CROT: variants seen among roughly 807,000 people sequenced by gnomAD.
The protein encoded by CROT is carnitine O-octanoyltransferase.
A neutral mutation model predicts 89.2 loss-of-function variants in CROT; 84 were observed. The observed-to-expected ratio is 0.94, with a 90% CI of 0.79 to 1.13. The LOEUF is 1.13. CROT is among the 50% of genes most tolerant of loss of function. The probability of loss-of-function intolerance (pLI) is 0.00; values close to 1 mark genes in which losing one functional copy is unlikely to be tolerated. For missense variants in CROT, 711 were observed against 727.8 expected (o/e 0.98, Z 0.27); for synonymous variants, 212 against 239.5 (o/e 0.89, Z 1.06).
chr7:87,362,402 T>C (rs1806311915), intron 6 of CROT, among the ~76,000 whole-genome samples: 1 of 151,302 alleles, frequency 6.6e-6, no homozygotes, highest in Non-Finnish European at 1.5e-5. Flanking sequence ...GCACAAGTGG[T>C]CTTCCTGCCT....
intron 2 of CROT, among the ~76,000 whole-genome samples, chr7:87,347,075 C>T (rs1805706595): frequency 6.6e-6 from 1 of 152,236 alleles, no homozygotes; most frequent in Non-Finnish European, 1.5e-5. Context: ...AAAGACACCA[C>T]AAATCCTTCT....
chr7:87,361,962 C>T, intron 6 of CROT, 110 bp downstream of exon 6: 2 of 976,478 alleles, frequency 2.0e-6, no homozygotes, highest in Non-Finnish European at 2.9e-6. Context: ...GGGACTTTGA[C>T]AAAGAAAGGT....
chr7:87,353,187 G>A (rs1476841520), intron 3 of CROT, among the ~76,000 whole-genome samples: 1 of 151,090 alleles, frequency 6.6e-6, no homozygotes, highest in Non-Finnish European at 1.5e-5. Flanking sequence ...TCGTTCCGTT[G>A]CCCAGGCTGG....
chr7:87,397,077 G>C (rs1807550198), intron 17 of CROT, among the ~76,000 whole-genome samples: 1 of 152,102 alleles, frequency 6.6e-6, no homozygotes, highest in Non-Finnish European at 1.5e-5. Context: ...CTGTAGGCTA[G>C]GCATGGTGGC....
chr7:87,391,445 G>GC, intron 13 of CROT, 144 bp from the exon 14 acceptor site: 1 of 700,708 alleles, frequency 1.4e-6, no homozygotes, highest in Non-Finnish European at 2.2e-6. Context: ...TTGGAAATAG[G>GC]CTCTTTTTTG....
chr7:87,369,530 C>G (rs1199171738), intron 7 of CROT, 46 bp downstream of exon 7: 1 of 1,225,456 alleles, frequency 8.2e-7, no homozygotes, highest in South Asian at 1.5e-5. Context: ...TATGGTGTTG[C>G]TTGAATTAAA....
chr7:87,398,443 A>G, intron 17 of CROT, 81 bp from the exon 18 acceptor site: 2 of 1,516,624 alleles, frequency 1.3e-6, no homozygotes, highest in South Asian at 1.1e-5. Context: ...GAATATCCAG[A>G]TGAAATAAAG....
At chr7:87,371,308 G>C (rs1041321774) in intron 7 of CROT, among the ~76,000 whole-genome samples, 1 of 152,068 alleles carries the variant, frequency 6.6e-6, no homozygotes, top group African/African-American at 2.4e-5. Flanking sequence ...TATTTTTATA[G>C]TTAGCTTCTT....
intron 3 of CROT, among the ~76,000 whole-genome samples, chr7:87,350,202 C>T (rs1805823774): frequency 6.6e-6 from 1 of 152,034 alleles, no homozygotes; most frequent in African/African-American, 2.4e-5. Flanking sequence ...AGCCAAAATA[C>T]AAGTTTCTAG....
rs1283860020 is a variant in CROT, at chr7:87,375,680, T to C, written c.705T>C (p.Pro235=). ...AGTGCCATAGTGAACCTGATGGACC[T>C]GGGATTGCAGCATTAACTAGTGAGG... ...HKKCHSEPDG[P]GIAALTSEER... Residue 235 remains proline (P), a synonymous_variant, in exon 8 of 18, where the codon CCT becomes CCC. Coordinates refer to ENST00000331536, the MANE Select transcript of CROT (RefSeq NM_021151.4). 1.9e-6 allele frequency: 3 copies of C among 1,613,614 alleles called. No individual in the cohort carries two copies. Among genetic ancestry groups the C allele is most frequent in the Non-Finnish European group, 2.5e-6 (3 of 1,179,576 alleles).
chr7:87,382,089 C>T lies in CROT; in HGVS notation c.1078C>T (p.Arg360Ter), dbSNP rs745924550. 3.1e-5 allele frequency: 50 copies of T among 1,611,786 alleles called. No homozygotes were observed. Among genetic ancestry groups the T allele is most frequent in the Admixed American group, 6.7e-5 (4 of 59,946 alleles). Residue 360 changes from arginine to a stop codon, truncating the protein, a stop_gained, in exon 12 of 18, where the codon CGA (arginine) becomes TGA (stop). Transcript: ENST00000331536. LOFTEE classifies it high-confidence loss of function. ...CTATTTTCAGGGTTCAGAGAAGGTACGAGATATACCACTTCCAGAAGAGCT... is the reference window on the plus strand; with the variant it reads ...CTATTTTCAGGGTTCAGAGAAGGTATGAGATATACCACTTCCAGAAGAGCT... ...EGRWKGSEKV[R>*]DIPLPEELIF...
chr7:87,395,192 C>A (rs1807488287), intron 17 of CROT, among the ~76,000 whole-genome samples: 1 of 152,184 alleles, frequency 6.6e-6, no homozygotes, highest in Non-Finnish European at 1.5e-5. Flanking sequence ...AAGTTAGAGT[C>A]CAACGTTCAA....
In CROT at chr7:87,398,766, A is replaced by C. The variant is rs541090724; in HGVS notation, c.*122A>C. On this transcript the variant is annotated 3_prime_UTR_variant, in exon 18 of 18. Transcript: ENST00000331536. Reference sequence around the variant, plus strand: ...TAACATTCCTTTAACAAGTTAAGAAAACTTGTTAAATGTAGAAATTAGTAG... The same window carrying C: ...TAACATTCCTTTAACAAGTTAAGAACACTTGTTAAATGTAGAAATTAGTAG... 1.1e-6 allele frequency: 1 copy of C among 908,248 alleles called. No homozygotes were observed. Among genetic ancestry groups the C allele is most frequent in the Admixed American group, 2.8e-5 (1 of 35,122 alleles). The allele number at this position is 908,248 out of a possible 1,614,324, so 56.3% of individuals were successfully genotyped here. A position where few individuals can be genotyped will look rare whatever the true frequency, so the allele number is the denominator to read the frequency against.
In CROT at chr7:87,377,425, A is replaced by T; in HGVS notation, c.953A>T (p.Asn318Ile). The T allele has an allele frequency of 1.2e-6, 2 of 1,609,064 alleles. No individual in the cohort carries two copies. Among genetic ancestry groups the T allele is most frequent in the Non-Finnish European group, 1.7e-6 (2 of 1,176,080 alleles). Residue 318 changes from asparagine to isoleucine, a missense_variant, in exon 10 of 18, where the codon AAT becomes ATT. By Grantham distance (149) the Asn-to-Ile change is moderately radical (BLOSUM62 -3). Coordinates refer to ENST00000331536, the MANE Select transcript of CROT (RefSeq NM_021151.4). ...DKSYNLISFS[N>I]GVFGCNCDHA... Reference sequence around the variant, plus strand: ...TCCTATAACTTGATTTCCTTTTCTAATGGAGTATTTGGCTGTAATTGTGAT... The same window carrying T: ...TCCTATAACTTGATTTCCTTTTCTATTGGAGTATTTGGCTGTAATTGTGAT...
chr7:87,354,380 G>C, intron 3 of CROT: 1 of 518,418 alleles, frequency 1.9e-6, no homozygotes, highest in Non-Finnish European at 3.9e-6. Flanking sequence ...CAAACCTGAT[G>C]AAAAAAGTGC....
chr7:87,398,560 C>T lies in CROT; in HGVS notation c.1755C>T (p.Pro585=), dbSNP rs144430034. The change falls in exon 18 of 18, where the codon CCC becomes CCT. Residue 585 remains proline (P), a synonymous_variant. Coordinates refer to ENST00000331536, the MANE Select transcript of CROT (RefSeq NM_021151.4). The part of the protein sequence containing the change: ...VVACSAWKSC[P]ETDAEKLVQL... ...CCTGTTCAGCCTGGAAATCCTGTCC[C>T]GAGACTGATGCGGAAAAGCTAGTTC... 7 of 1,613,588 alleles carry T rather than the reference C, an allele frequency of 4.3e-6. No homozygotes were observed. Among genetic ancestry groups the T allele is most frequent in the African/African-American group, 2.7e-5 (2 of 74,880 alleles).
intron 2 of CROT, among the ~76,000 whole-genome samples, chr7:87,348,053 G>A (rs1015842049): frequency 5.9e-5 from 9 of 152,158 alleles, no homozygotes; most frequent in African/African-American, 2.2e-4. Flanking sequence ...GATAGTGTTC[G>A]ATTCTGTAAC....
Position 87,369,384 on chromosome 7 carries a change from G to A in CROT, c.556G>A (p.Gly186Arg), listed in dbSNP as rs1258458751. Residue 186 changes from glycine to arginine, a missense_variant, in exon 7 of 18, where the codon GGG becomes AGG. By Grantham distance (125) the Gly-to-Arg change is moderately radical (BLOSUM62 -2). Coordinates refer to ENST00000331536, the MANE Select transcript of CROT (RefSeq NM_021151.4). ...IMNYFRTESEGRSPNHIVVLC... is the reference protein window; with the variant it reads ...IMNYFRTESERRSPNHIVVLC... Reference sequence around the variant, plus strand: ...TCTGTTTCTGTTTCCAGAGAGTGAAGGGCGTTCCCCAAACCACATTGTAGT... The same window carrying A: ...TCTGTTTCTGTTTCCAGAGAGTGAAAGGCGTTCCCCAAACCACATTGTAGT... 9.9e-6 allele frequency: 16 copies of A among 1,609,488 alleles called. No individual in the cohort carries two copies. The highest frequency in any genetic ancestry group is 1.4e-5 in the Non-Finnish European group (16 of 1,177,586).
chr7:87,349,019 G>A (rs1262375243), intron 2 of CROT, 29 bp from the exon 3 acceptor site: 1 of 981,614 alleles, frequency 1.0e-6, no homozygotes, highest in African/African-American at 1.6e-5. Flanking sequence ...TGAGATTGAA[G>A]TTGTGAGGGC....
Sources: allele counts gnomAD v4.1 joint callset (sites outside exome capture counted in the v4.1 genomes callset), GRCh38; gene constraint gnomAD v4.1.1; transcripts MANE v1.5; gene names NCBI Gene and HGNC (gene_info 2026-07-23, HGNC 2026-07-21).